The following TRIM37 variants were observed in gnomAD, a reference collection of about 807,000 sequenced individuals.
TRIM37 encodes E3 ubiquitin-protein ligase TRIM37.
In TRIM37, 80 loss-of-function variants were observed where a neutral mutation model predicts 129.8. The ratio of observed to expected loss-of-function variants is 0.62; its 90% confidence interval spans 0.51 to 0.74. The LOEUF (loss-of-function observed/expected upper bound fraction) is 0.74. Ranked by LOEUF, TRIM37 falls within the 30% of genes least tolerant of loss-of-function variation. The pLI, the probability that TRIM37 is intolerant of heterozygous loss-of-function variation, is 0.00. For synonymous variants in TRIM37, 389 were observed against 387.1 expected, an observed-to-expected ratio of 1.00 and a Z score of -0.06; for missense variants, 1,054 against 1,176.5, an observed-to-expected ratio of 0.90 and a Z score of 1.52.
chr17:59,004,940 A>G (rs1428060816), intron 22 of TRIM37, among the ~76,000 whole-genome samples: 1 of 152,124 alleles, frequency 6.6e-6, no homozygotes, highest in African/African-American at 2.4e-5. Context: ...ACAAAAAAAC[A>G]AACTTTCCTG....
At chr17:59,032,531 C>CAA (rs35442859) in intron 17 of TRIM37, among the ~76,000 whole-genome samples, 2,059 of 84,066 alleles carry the variant, frequency 0.024, 69 homozygotes, top group African/African-American at 0.066. Flanking sequence ...GACTCCGTCT[C>CAA]AAAAAAAAAA....
rs2039192121 is a variant in TRIM37 at position 59,041,834 on chromosome 17, C to T, written c.1732G>A (p.Ala578Thr). ...ELEEGELMEDAAAAGPAGSSH... is the reference protein window; with the variant it reads ...ELEEGELMEDTAAAGPAGSSH... Reference sequence around the variant, plus strand: ...TTACCTGCGGGTCCTGCAGCAGCTGCATCTTCCATGAGTTCTCCCTCTTCT... The same window carrying T: ...TTACCTGCGGGTCCTGCAGCAGCTGTATCTTCCATGAGTTCTCCCTCTTCT... Residue 578 changes from alanine (A) to threonine (T), a missense_variant, in exon 17 of 24, where the codon GCA becomes ACA. Transcript: ENST00000262294. The T allele has an allele frequency of 6.2e-7, 1 of 1,613,776 alleles. No homozygotes were observed. The highest frequency in any genetic ancestry group is 1.1e-5 in the South Asian group (1 of 91,084).
chr17:59,025,057 C>T (rs888501189), intron 19 of TRIM37, among the ~76,000 whole-genome samples: 1 of 152,154 alleles, frequency 6.6e-6, no homozygotes, highest in Non-Finnish European at 1.5e-5. Flanking sequence ...ATGTCCAAAA[C>T]TTGAGTACTG....
At chr17:59,100,917 G>C (rs565901983) in intron 2 of TRIM37, among the ~76,000 whole-genome samples, 21 of 151,864 alleles carry the variant, frequency 1.4e-4, no homozygotes, top group Admixed American at 6.6e-4. Flanking sequence ...AGCTACTTGG[G>C]AGGCTGAGGC....
chr17:59,075,540 G>C (rs1296065117), intron 8 of TRIM37, 107 bp downstream of exon 8: 3 of 793,528 alleles, frequency 3.8e-6, no homozygotes, highest in Non-Finnish European at 6.0e-6. Context: ...CTCCAGCCTG[G>C]GCGACAGAGA....
chr17:58,996,052 T>C (rs957379700), downstream of TRIM37, among the ~76,000 whole-genome samples: 1 of 152,162 alleles, frequency 6.6e-6, no homozygotes, highest in Admixed American at 6.5e-5. Context: ...CTGCATAGTT[T>C]CAAAGTATCT....
rs2043302136 is a variant in TRIM37, at chr17:59,081,940, A to G, written c.370-721T>C. On this transcript the variant is annotated intron_variant, in intron 5 of 23. Transcript: ENST00000262294. ...ATAATTTTTTAATAATAAAAACCAA[A>G]AAAAAAAAAAAATAAAAAAAAAAAA... Among the ~76,000 whole-genome samples the G allele has an allele frequency of 2.2e-5, 2 of 89,642 alleles. 1 individual carries two copies. The highest frequency in any genetic ancestry group is 7.3e-4 in the South Asian group (2 of 2,740). 58.8% of individuals were successfully genotyped at this position (89,642 alleles called of 152,430 possible). A position where few individuals can be genotyped will look rare whatever the true frequency, so the allele number is the denominator to read the frequency against.
At chr17:59,049,441 A>T in intron 14 of TRIM37, 48 bp from the exon 15 acceptor site, 4 of 1,500,592 alleles carry the variant, frequency 2.7e-6, no homozygotes, top group Non-Finnish European at 3.7e-6. Context: ...TCACTGGCAC[A>T]GTAAAAGATG....
rs1455718448 is a variant in TRIM37, at chr17:59,061,062, T to G, written c.989A>C (p.Glu330Ala). 1 of 1,613,472 alleles carries G rather than the reference T, an allele frequency of 6.2e-7. No homozygotes were observed. The highest frequency in any genetic ancestry group is 8.5e-7 in the Non-Finnish European group (1 of 1,179,720). ...AGTTTCAGGCAAGCCAGCTGAGAGCTCCAGAAACACAGATAAGTAGTAACC... is the reference window on the plus strand; with the variant it reads ...AGTTTCAGGCAAGCCAGCTGAGAGCGCCAGAAACACAGATAAGTAGTAACC... ...VRGYYLSVFL[E>A]LSAGLPETSK... The change falls in exon 12 of 24, where the codon GAG (glutamate) becomes GCG (alanine). Residue 330 changes from glutamate to alanine, a missense_variant. This residue lies in a region of TRIM37 where 752 missense variants were observed against 870.8 expected (regional missense o/e 0.86). Coordinates refer to ENST00000262294, the MANE Select transcript of TRIM37 (RefSeq NM_015294.6).
chr17:59,020,800 C>T (rs1042004457), intron 19 of TRIM37, among the ~76,000 whole-genome samples: 1 of 152,148 alleles, frequency 6.6e-6, no homozygotes. Flanking sequence ...GTTAAAATGG[C>T]TTTTATCCAA....
chr17:59,035,811 G>GA (rs952079341), intron 17 of TRIM37, among the ~76,000 whole-genome samples: 1 of 151,708 alleles, frequency 6.6e-6, no homozygotes, highest in African/African-American at 2.4e-5. Flanking sequence ...AGTTCACATA[G>GA]AAAAAAAACC....
At chr17:59,091,554 TAC>T (rs1447101232) in intron 2 of TRIM37, among the ~76,000 whole-genome samples, 1,296 of 7,854 alleles carry the variant, frequency 0.17, 28 homozygotes, top group African/African-American at 0.41. Flanking sequence ...TAATATATTA[TAC>T]ATTATATATA....
intron 17 of TRIM37, among the ~76,000 whole-genome samples, chr17:59,040,701 T>A (rs1465490039): frequency 1.3e-5 from 2 of 151,920 alleles, no homozygotes; most frequent in Non-Finnish European, 2.9e-5. Context: ...TAGGTTGGAG[T>A]TGAAATGGTG....
downstream of TRIM37, among the ~76,000 whole-genome samples, chr17:58,979,063 A>G (rs1039008805): frequency 6.6e-6 from 1 of 152,188 alleles, no homozygotes; most frequent in Non-Finnish European, 1.5e-5. Context: ...CTTACCCTTC[A>G]GGACCAGCTC....
intron 12 of TRIM37, among the ~76,000 whole-genome samples, 170 bp from the exon 13 acceptor site, chr17:59,057,224 T>C (rs576916984): frequency 1.3e-5 from 2 of 152,234 alleles, no homozygotes; most frequent in Admixed American, 1.3e-4. Context: ...GGGGTTTTTT[T>C]ATTTATTTAA....
Position 59,001,629 on chromosome 17 carries a change from G to A in TRIM37, c.2781C>T (p.Ser927=). The change falls in exon 23 of 24, where the codon TCC becomes TCT. Residue 927 remains serine, a synonymous_variant. Coordinates refer to ENST00000262294, the MANE Select transcript of TRIM37 (RefSeq NM_015294.6). ...EHTSVGGFHD[S]FMVMTQPPDE... ...CCGGGGGCTGTGTCATGACCATGAA[G>A]GAGTCGTGAAACCCGCCCACACTGG... 6.2e-7 allele frequency: 1 copy of A among 1,614,026 alleles called. No individual in the cohort carries two copies. Among genetic ancestry groups the A allele is most frequent in the African/African-American group, 1.3e-5 (1 of 74,990 alleles).
chr17:59,045,882 G>A (rs981895725), intron 16 of TRIM37, among the ~76,000 whole-genome samples: 20 of 151,894 alleles, frequency 1.3e-4, no homozygotes, highest in African/African-American at 4.6e-4. Context: ...CAGGCGTGGT[G>A]GTGCACGCCT....
intron 19 of TRIM37, among the ~76,000 whole-genome samples, chr17:59,023,951 C>T (rs576779253): frequency 6.6e-6 from 1 of 152,148 alleles, no homozygotes; most frequent in African/African-American, 2.4e-5. Context: ...TGGTGGCTCA[C>T]GCTTGTAATC....
intron 2 of TRIM37, among the ~76,000 whole-genome samples, chr17:59,098,669 A>T (rs926589220): frequency 8.7e-5 from 5 of 57,678 alleles, no homozygotes; most frequent in East Asian, 4.1e-4. Context: ...TGTCTCATTT[A>T]AAAAAAAAAA....
Sources: gnomAD v4.1 joint callset for allele counts (sites outside exome capture counted in the v4.1 genomes callset) on GRCh38, gnomAD v4.1.1 for gene constraint, gnomAD v4.1.1 regional missense constraint, MANE v1.5 for transcripts, NCBI Gene and HGNC (gene_info 2026-07-23, HGNC 2026-07-21) for gene names.